HVCN1: variants seen among roughly 807,000 people sequenced by gnomAD.
HVCN1 encodes hydrogen voltage gated channel 1.
Under a neutral mutation model 29.2 loss-of-function variants are expected in HVCN1, and 14 were observed. The observed-to-expected ratio is 0.48, with a 90% CI of 0.32 to 0.75. HVCN1 has a LOEUF of 0.75. Among genes scored for constraint, HVCN1 ranks in the 30% least tolerant of loss-of-function variants. The probability of loss-of-function intolerance (pLI) is 0.04; values close to 1 mark genes in which losing one functional copy is unlikely to be tolerated. For synonymous variants in HVCN1, 131 were observed against 133.2 expected (o/e 0.98, Z 0.11); for missense variants, 263 against 341.8 (o/e 0.77, Z 1.82).
At chr12:110,662,230 A>T (rs2068201100) in intron 3 of HVCN1, among the ~76,000 whole-genome samples, 1 of 147,700 alleles carries the variant, frequency 6.8e-6, no homozygotes, top group South Asian at 2.1e-4. Flanking sequence ...TGGCTTTGTC[A>T]ATAGGAAAAA....
intron 3 of HVCN1, among the ~76,000 whole-genome samples, chr12:110,666,422 A>G (rs1479534450): frequency 6.6e-6 from 1 of 151,754 alleles, no homozygotes; most frequent in African/African-American, 2.4e-5. Context: ...GACTCCGCCT[A>G]AAAAGAAAAG....
chr12:110,699,617 G>A (rs950566435), intron 2 of HVCN1, among the ~76,000 whole-genome samples: 6 of 152,072 alleles, frequency 3.9e-5, no homozygotes, highest in Non-Finnish European at 7.4e-5. Flanking sequence ...AGGCAGAGCC[G>A]AGAACAGCCA....
intron 3 of HVCN1, among the ~76,000 whole-genome samples, chr12:110,668,617 C>T (rs2068453183): frequency 6.6e-6 from 1 of 152,314 alleles, no homozygotes; most frequent in African/African-American, 2.4e-5. Context: ...TGTTAAGTTA[C>T]ATGAGCTGAT....
At chr12:110,702,120 A>G (rs1156651751) in intron 2 of HVCN1, among the ~76,000 whole-genome samples, 1 of 151,728 alleles carries the variant, frequency 6.6e-6, no homozygotes, top group East Asian at 2.0e-4. Flanking sequence ...CATCACAGGC[A>G]CACATATATG....
chr12:110,658,618 G>A lies in HVCN1; in HGVS notation c.306+2546C>T, dbSNP rs555039230. Among the ~76,000 whole-genome samples the A allele has an allele frequency of 1.4e-4, 22 of 152,058 alleles. No individual in the cohort carries two copies. Among genetic ancestry groups the A allele is most frequent in the African/African-American group, 5.1e-4 (21 of 41,462 alleles). ...TCAGCATGCAGGTGTCACCTCCTTC[G>A]ACTCCAGTCCCTGATCAGGTCCCCC... On this transcript the variant is annotated intron_variant, in intron 4 of 7. Transcript: ENST00000242607. This position sits in a 1 kb window ranked among gnomAD's most constrained non-coding sequence, Gnocchi z 5.0.
At chr12:110,687,269 C>A (rs1020880886) in intron 2 of HVCN1, among the ~76,000 whole-genome samples, 3 of 148,068 alleles carry the variant, frequency 2.0e-5, no homozygotes, top group African/African-American at 5.0e-5. Context: ...CCCCCCCCCC[C>A]AGCTAAGCAC....
chr12:110,673,964 C>T (rs1226159680), intron 3 of HVCN1, among the ~76,000 whole-genome samples: 1 of 152,204 alleles, frequency 6.6e-6, no homozygotes, highest in Non-Finnish European at 1.5e-5. Flanking sequence ...AGAAGAGGGC[C>T]ACAGTCCTCC....
chr12:110,671,584 C>T (rs1426776748), intron 3 of HVCN1, among the ~76,000 whole-genome samples: 2 of 152,174 alleles, frequency 1.3e-5, no homozygotes, highest in African/African-American at 2.4e-5. Context: ...TCACAGCAGC[C>T]ACAGGCAACC....
intron 2 of HVCN1, among the ~76,000 whole-genome samples, chr12:110,695,773 G>A (rs2069479562): frequency 6.6e-6 from 1 of 152,206 alleles, no homozygotes; most frequent in Admixed American, 6.5e-5. Context: ...AGGGCCTGAG[G>A]TGGGAAGAGC....
At chr12:110,680,123 A>T (rs950756922) in intron 3 of HVCN1, among the ~76,000 whole-genome samples, 2 of 152,210 alleles carry the variant, frequency 1.3e-5, no homozygotes, top group Non-Finnish European at 2.9e-5. Flanking sequence ...GCAGATCATG[A>T]AAAGGAACAT....
At chr12:110,703,207 C>CAAAAAAAA (rs758737358) in intron 1 of HVCN1, among the ~76,000 whole-genome samples, 2 of 98,772 alleles carry the variant, frequency 2.0e-5, no homozygotes, top group Non-Finnish European at 4.0e-5. Context: ...ATGTCTCTAC[C>CAAAAAAAA]AAAAAAAAAA....
chr12:110,666,613 C>T (rs942082251), intron 3 of HVCN1, among the ~76,000 whole-genome samples: 1 of 152,128 alleles, frequency 6.6e-6, no homozygotes, highest in Non-Finnish European at 1.5e-5. Flanking sequence ...ATCTCTCCTT[C>T]CCCACAGCCT....
chr12:110,677,525 C>T (rs914274172), intron 3 of HVCN1, among the ~76,000 whole-genome samples: 16 of 152,152 alleles, frequency 1.1e-4, no homozygotes, highest in Admixed American at 2.0e-4. Context: ...GCCTGGCAGA[C>T]CACAGGCTCC....
At position 110,650,149 on chromosome 12, in the gene HVCN1, G is replaced by C; in HGVS notation, c.756+19C>G. 6 of 1,539,286 alleles carry C rather than the reference G, an allele frequency of 3.9e-6. No homozygotes were observed. The highest frequency in any genetic ancestry group is 5.4e-6 in the Non-Finnish European group (6 of 1,112,216). On this transcript the variant is annotated intron_variant, in intron 7 of 7. Coordinates refer to ENST00000242607, the MANE Select transcript of HVCN1 (RefSeq NM_032369.4). ...CATGAGCCACCACGCCTGGTCCCCA[G>C]ATGTGTCGTCTTTCTTACCTTCTCA...
chr12:110,667,522 C>T (rs760295933), intron 3 of HVCN1, among the ~76,000 whole-genome samples: 7 of 152,160 alleles, frequency 4.6e-5, no homozygotes, highest in Non-Finnish European at 7.3e-5. Flanking sequence ...CTTGACCTCC[C>T]GGGATCAAGC....
chr12:110,670,805 A>C (rs747678705), intron 3 of HVCN1, among the ~76,000 whole-genome samples: 3 of 152,112 alleles, frequency 2.0e-5, no homozygotes, highest in Non-Finnish European at 2.9e-5. Context: ...CTTATTTGGA[A>C]TGTAGGTCTT....
chr12:110,690,377 G>A (rs2069376433), upstream of HVCN1, among the ~76,000 whole-genome samples: 1 of 152,210 alleles, frequency 6.6e-6, no homozygotes. Context: ...GTTAGGATGT[G>A]GATATCTTGG....
At chr12:110,655,171 G>A (rs150376768) in intron 5 of HVCN1, 63 bp downstream of exon 5, 14 of 1,247,782 alleles carry the variant, frequency 1.1e-5, no homozygotes, top group African/African-American at 2.9e-5. Flanking sequence ...TCTGCACCCC[G>A]TCTGTGCAGA....
Position 110,661,304 on chromosome 12 carries a change from G to C in HVCN1, c.166C>G (p.Gln56Glu), listed in dbSNP as rs1593458697. Residue 56 changes from glutamine to glutamate, a missense_variant, in exon 4 of 8, where the codon CAG becomes GAG. Gln to Glu is a conservative substitution (Grantham distance 29). Around this residue, in one of 3 missense-constraint regions of HVCN1, gnomAD observed 157 missense variants for 181.3 expected, o/e 0.87. Coordinates refer to ENST00000242607, the MANE Select transcript of HVCN1 (RefSeq NM_032369.4). This position sits in a 1 kb window ranked among gnomAD's most constrained non-coding sequence, Gnocchi z 6.2. The stretch of plus-strand genomic sequence containing the variant: ...CCTGAGACTGGTGTGGGTGGTGGCT[G>C]CTCCTCCTCCTCCTCCTCCTCTTCA... ...ENEEEEEEEE[Q>E]PPPTPVSGEE... 1 of 1,613,060 alleles carries C rather than the reference G, an allele frequency of 6.2e-7. No homozygotes were observed. The highest frequency in any genetic ancestry group is 8.5e-7 in the Non-Finnish European group (1 of 1,179,178).
Sources: allele counts gnomAD v4.1 joint callset (sites outside exome capture counted in the v4.1 genomes callset), GRCh38; gene constraint gnomAD v4.1.1; regional missense constraint gnomAD v4.1.1; non-coding constraint Gnocchi (gnomAD v3.1); transcripts MANE v1.5; gene names NCBI Gene and HGNC (gene_info 2026-07-23, HGNC 2026-07-21).